Variants in FARP1 observed in about 807,000 individuals in gnomAD.
FARP1 encodes FERM, ARHGEF and pleckstrin domain-containing protein 1.
A neutral mutation model predicts 128.8 loss-of-function variants in FARP1; 52 were observed. The ratio of observed to expected loss-of-function variants is 0.40; its 90% confidence interval spans 0.32 to 0.51. FARP1 has a LOEUF of 0.51. Among genes scored for constraint, FARP1 ranks in the 20% least tolerant of loss-of-function variants. The probability of loss-of-function intolerance (pLI) is 0.45; values close to 1 mark genes in which losing one functional copy is unlikely to be tolerated. For synonymous variants in FARP1, 580 were observed against 551.8 expected, an observed-to-expected ratio of 1.05 and a Z score of -0.72; for missense variants, 1,333 against 1,367.9, an observed-to-expected ratio of 0.97 and a Z score of 0.40.
chr13:98,446,704 C>T lies in FARP1; in HGVS notation c.2943C>T (p.Tyr981=), dbSNP rs1411592277. ...TTGCCAGCCTGCCTCTGCTCGGCTA[C>T]TCGCTCACCATCCCCTCTGAGTCCG... The part of the protein sequence containing the change: ...HPLASLPLLG[Y]SLTIPSESEN... The change falls in exon 26 of 27, where the codon TAC becomes TAT. Residue 981 remains tyrosine, a synonymous_variant. Transcript: ENST00000319562. 6 of 1,614,064 alleles carry T rather than the reference C, an allele frequency of 3.7e-6. No individual in the cohort carries two copies. Among genetic ancestry groups the T allele is most frequent in the South Asian group, 1.1e-5 (1 of 91,090 alleles).
chr13:98,246,964 G>A (rs142779604), intron 2 of FARP1, among the ~76,000 whole-genome samples: 2 of 152,330 alleles, frequency 1.3e-5, no homozygotes, highest in African/African-American at 2.4e-5. Context: ...AGTTGCTCAC[G>A]CCTGTAATCC....
intron 2 of FARP1, among the ~76,000 whole-genome samples, chr13:98,237,346 C>T (rs112444124): frequency 0.011 from 1,705 of 151,818 alleles, 18 homozygotes; most frequent in Non-Finnish European, 0.015. Flanking sequence ...CTTACACAAA[C>T]GCTGACGGAC....
intron 6 of FARP1, among the ~76,000 whole-genome samples, chr13:98,380,638 A>G (rs1889857658): frequency 6.6e-6 from 1 of 152,064 alleles, no homozygotes; most frequent in Non-Finnish European, 1.5e-5. Flanking sequence ...TAGTCTCTCA[A>G]TCATGGCTCA....
intron 2 of FARP1, among the ~76,000 whole-genome samples, chr13:98,259,854 G>A (rs1159802820): frequency 7.2e-6 from 1 of 139,280 alleles, no homozygotes; most frequent in African/African-American, 2.6e-5. Flanking sequence ...CGGTGCTTGA[G>A]AAATGGGAAA....
At chr13:98,342,600 C>T (rs958776085) in intron 2 of FARP1, among the ~76,000 whole-genome samples, 5 of 151,284 alleles carry the variant, frequency 3.3e-5, no homozygotes, top group African/African-American at 7.3e-5. Context: ...CTCGGGAGGC[C>T]GAGGTAGGAG....
At position 98,409,434 on chromosome 13, in the gene FARP1, C is replaced by G; in HGVS notation, c.1511C>G (p.Pro504Arg). Residue 504 changes from proline (P) to arginine (R), a missense_variant, in exon 14 of 27, where the codon CCC (proline) becomes CGC (arginine). Physicochemically the swap from Pro to Arg is moderately radical, Grantham distance 103 (BLOSUM62 -2). This residue lies in a region of FARP1 where 1,009 missense variants were observed against 969.8 expected (regional missense o/e 1.04). Coordinates refer to ENST00000319562, the MANE Select transcript of FARP1 (RefSeq NM_005766.4). ...GTGACCTTGTCTCCCAACCTGAGCC[C>G]CGACACCAAGCAGGCCTCTCCCTTG... is the stretch of plus-strand genomic sequence containing the variant. ...ANVTLSPNLSPDTKQASPLIS... is the reference protein window; with the variant it reads ...ANVTLSPNLSRDTKQASPLIS... 7.4e-6 allele frequency: 12 copies of G among 1,614,098 alleles called. No individual in the cohort carries two copies. The highest frequency in any genetic ancestry group is 1.0e-5 in the Non-Finnish European group (12 of 1,180,036).
At chr13:98,177,826 C>G (rs1878204748) in intron 1 of FARP1, 1 of 152,140 alleles carries the variant, frequency 6.6e-6, no homozygotes, top group Admixed American at 6.5e-5. Context: ...CATTCCAGGC[C>G]ATAGCGAACC....
intron 1 of FARP1, among the ~76,000 whole-genome samples, chr13:98,149,863 G>A (rs530834837): frequency 2.0e-5 from 3 of 146,510 alleles, no homozygotes; most frequent in African/African-American, 7.6e-5. Context: ...TCAGCCTCCC[G>A]AGTAGCTGGG....
At chr13:98,273,878 A>G (rs569628823) in intron 2 of FARP1, among the ~76,000 whole-genome samples, 5 of 152,208 alleles carry the variant, frequency 3.3e-5, no homozygotes, top group Non-Finnish European at 7.3e-5. Flanking sequence ...CCTCATAACA[A>G]AGCTCATCTT....
At chr13:98,380,752 A>AT (rs1188687326) in intron 6 of FARP1, among the ~76,000 whole-genome samples, 1 of 151,608 alleles carries the variant, frequency 6.6e-6, no homozygotes, top group Non-Finnish European at 1.5e-5. Context: ...TTTTTCTTTT[A>AT]TTTTTTTGTA....
intron 3 of FARP1, among the ~76,000 whole-genome samples, chr13:98,349,672 G>GGGAA (rs1188429889): frequency 1.7e-5 from 1 of 59,872 alleles, no homozygotes; most frequent in Non-Finnish European, 3.0e-5. Flanking sequence ...CCATCTCAGG[G>GGGAA]AAAAAAAAAA....
At chr13:98,274,315 G>C (rs1459352718) in intron 2 of FARP1, among the ~76,000 whole-genome samples, 1 of 152,160 alleles carries the variant, frequency 6.6e-6, no homozygotes, top group Non-Finnish European at 1.5e-5. Context: ...AGAAAAGGCA[G>C]CGCGGGGCAG....
intron 1 of FARP1, among the ~76,000 whole-genome samples, chr13:98,167,169 T>G (rs1212454362): frequency 6.6e-6 from 1 of 152,208 alleles, no homozygotes. Flanking sequence ...GCCAATTTTC[T>G]AGGAGGTTGC....
intron 2 of FARP1, among the ~76,000 whole-genome samples, chr13:98,272,532 T>C (rs1393559196): frequency 1.3e-5 from 2 of 152,180 alleles, no homozygotes; most frequent in Non-Finnish European, 2.9e-5. Flanking sequence ...GATCCTTCTG[T>C]TTAAGTCACT....
chr13:98,170,694 G>C (rs1241236450), intron 1 of FARP1, among the ~76,000 whole-genome samples: 1 of 151,774 alleles, frequency 6.6e-6, no homozygotes, highest in Non-Finnish European at 1.5e-5. Context: ...GTTTTACCAT[G>C]TTGGTCAGGC....
chr13:98,368,600 C>T (rs1170357418), intron 5 of FARP1, among the ~76,000 whole-genome samples: 3 of 152,148 alleles, frequency 2.0e-5, no homozygotes, highest in South Asian at 2.1e-4. Context: ...AAAGTGTGAC[C>T]GCGTGGAAGA....
At position 98,176,284 on chromosome 13, in the gene FARP1, T is replaced by C; in HGVS notation, c.-24+32792T>C. 1 of 1,612,356 alleles carries C rather than the reference T, an allele frequency of 6.2e-7. No homozygotes were observed. The highest frequency in any genetic ancestry group is 8.5e-7 in the Non-Finnish European group (1 of 1,178,770). The stretch of plus-strand genomic sequence containing the variant: ...TGTGAAATGGGACTTGCCCCCACCT[T>C]CTGCAGCCTGAAGCTTTTGCAGTTT... On this transcript the variant is annotated intron_variant, in intron 1 of 26. Coordinates refer to ENST00000319562, the MANE Select transcript of FARP1 (RefSeq NM_005766.4). This position sits in a 1 kb window ranked among gnomAD's most constrained non-coding sequence, Gnocchi z 6.2.
chr13:98,431,976 G>C (rs9554471), intron 18 of FARP1: 93,784 of 152,038 alleles, frequency 0.62, 29,228 homozygotes, highest in African/African-American at 0.69. Context: ...TAGCTTGTAA[G>C]AAATCCTGTT....
At chr13:98,235,272 A>G (rs1402919949) in intron 2 of FARP1, among the ~76,000 whole-genome samples, 1 of 152,202 alleles carries the variant, frequency 6.6e-6, no homozygotes, top group African/African-American at 2.4e-5. Flanking sequence ...GTTTCATCAC[A>G]GTGCCCAAGG....
Sources: gnomAD v4.1 joint callset for allele counts (sites outside exome capture counted in the v4.1 genomes callset) on GRCh38, gnomAD v4.1.1 for gene constraint, gnomAD v4.1.1 regional missense constraint, Gnocchi (gnomAD v3.1) non-coding constraint, MANE v1.5 for transcripts, NCBI Gene and HGNC (gene_info 2026-07-23, HGNC 2026-07-21) for gene names.